The following CFAP47 variants were observed in gnomAD, a reference collection of about 807,000 sequenced individuals.
CFAP47 encodes cilia- and flagella-associated protein 47.
A neutral mutation model predicts 148.1 loss-of-function variants in CFAP47; 29 were observed. The ratio of observed to expected loss-of-function variants is 0.20; its 90% CI spans 0.15 to 0.27. CFAP47 has a LOEUF of 0.27. Ranked by LOEUF, CFAP47 falls within the 10% of genes least tolerant of loss-of-function variation. CFAP47 has a pLI of 1.00. For missense variants in CFAP47, 1,872 were observed against 1,697.5 expected (o/e 1.10, Z -1.81); for synonymous variants, 664 against 577.3 (o/e 1.15, Z -2.15).
chrX:36,226,284 C>G (rs2146899025), intron 45 of CFAP47, among the ~76,000 whole-genome samples: 1 of 111,275 alleles, frequency 9.0e-6, no homozygotes, highest in South Asian at 3.8e-4. Context: ...ACAGCATTTG[C>G]TACAGTCCAG....
intron 2 of CFAP47, among the ~76,000 whole-genome samples, chrX:35,929,811 C>G (rs1034504892): frequency 9.1e-6 from 1 of 110,438 alleles, no homozygotes; most frequent in African/African-American, 3.3e-5. Flanking sequence ...CCAGCCTGGC[C>G]AACATGGAGA....
chrX:35,968,653 C>T (rs1481343582), intron 10 of CFAP47, among the ~76,000 whole-genome samples: 1 of 110,980 alleles, frequency 9.0e-6, no homozygotes, highest in Non-Finnish European at 1.9e-5. Context: ...TCTTGCAATA[C>T]CATTTGATTT....
Position 36,291,531 on chromosome X carries a change from C to T in CFAP47, c.7686+5805C>T, listed in dbSNP as rs1345800682. Reference sequence around the variant, plus strand: ...TTTTTGGCTACTCTGTCATTATGAACTATTCATGCCTCTGCCTTCTTCCGT... The same window carrying T: ...TTTTTGGCTACTCTGTCATTATGAATTATTCATGCCTCTGCCTTCTTCCGT... On this transcript the variant is annotated intron_variant, in intron 51 of 63. Transcript: ENST00000378653. Among the ~76,000 whole-genome samples, 13 of 110,478 alleles carry T rather than the reference C, an allele frequency of 1.2e-4. No individual in the cohort carries two copies. In the Admixed American group the frequency reaches 1.3e-3, roughly 11 times the overall value.
intron 15 of CFAP47, among the ~76,000 whole-genome samples, chrX:35,988,574 A>G (rs967505414): frequency 1.4e-4 from 16 of 111,979 alleles, no homozygotes; most frequent in Non-Finnish European, 1.9e-5. Context: ...AACCTGTTCC[A>G]AGGCAAAGTT....
At chrX:35,920,609 T>C (rs1449558406) in intron 1 of CFAP47, among the ~76,000 whole-genome samples, 1 of 111,254 alleles carries the variant, frequency 9.0e-6, no homozygotes, top group South Asian at 3.7e-4. Context: ...ATCAAGAAAG[T>C]TAATGTTCTG....
At chrX:36,146,686 T>C (rs1939237277) in intron 36 of CFAP47, among the ~76,000 whole-genome samples, 1 of 111,505 alleles carries the variant, frequency 9.0e-6, no homozygotes, top group Non-Finnish European at 1.9e-5. Context: ...CGTTAAGTCA[T>C]AGAAAGTCGT....
intron 15 of CFAP47, among the ~76,000 whole-genome samples, chrX:35,985,459 T>C (rs1484483570): frequency 9.0e-6 from 1 of 110,734 alleles, no homozygotes; most frequent in Non-Finnish European, 1.9e-5. Flanking sequence ...TGTGGGTGAG[T>C]ACATGCCAGC....
chrX:36,245,985 C>G (rs782569695), intron 48 of CFAP47, among the ~76,000 whole-genome samples: 16 of 111,331 alleles, frequency 1.4e-4, no homozygotes, highest in African/African-American at 5.2e-4. Context: ...TTAGCTTGAG[C>G]ACCTTTCTCA....
intron 60 of CFAP47, among the ~76,000 whole-genome samples, chrX:36,358,974 G>T (rs969878229): frequency 8.1e-5 from 9 of 111,713 alleles, no homozygotes; most frequent in African/African-American, 2.9e-4. Flanking sequence ...AGTTATCACA[G>T]TAGTAATTTA....
intron 25 of CFAP47, among the ~76,000 whole-genome samples, chrX:36,045,477 A>G (rs914464958): frequency 1.8e-5 from 2 of 111,643 alleles, no homozygotes; most frequent in African/African-American, 3.3e-5. Flanking sequence ...AAGGCCCTCA[A>G]TGTAGTACCT....
At chrX:36,256,310 A>G (rs1940751420) in intron 49 of CFAP47, among the ~76,000 whole-genome samples, 1 of 112,048 alleles carries the variant, frequency 8.9e-6, no homozygotes, top group African/African-American at 3.2e-5. Flanking sequence ...AGTAATTCTC[A>G]ATTTTATTTT....
chrX:36,270,127 G>C (rs1024986986), intron 49 of CFAP47, among the ~76,000 whole-genome samples: 1 of 111,447 alleles, frequency 9.0e-6, no homozygotes, highest in Non-Finnish European at 1.9e-5. Context: ...GAACATTCAA[G>C]TATAAGTCTT....
chrX:36,230,151 G>T (rs1940326520), intron 46 of CFAP47, among the ~76,000 whole-genome samples: 1 of 98,844 alleles, frequency 1.0e-5, no homozygotes, highest in Non-Finnish European at 2.0e-5. Context: ...GGGTCAAATG[G>T]TATTTCTAGT....
chrX:35,984,195 T>TA (rs1251671194), intron 15 of CFAP47, among the ~76,000 whole-genome samples: 1 of 111,674 alleles, frequency 9.0e-6, no homozygotes, highest in African/African-American at 3.3e-5. Flanking sequence ...AATGGGATGT[T>TA]GTATGTTTCC....
chrX:36,031,790 A>C (rs1937282297), intron 23 of CFAP47, among the ~76,000 whole-genome samples: 1 of 103,915 alleles, frequency 9.6e-6, no homozygotes, highest in Admixed American at 1.0e-4. Flanking sequence ...TTTTTTCTTA[A>C]AGGATATCTC....
In CFAP47 at chrX:35,935,830, A is replaced by G. The variant is rs765238577; in HGVS notation, c.402-5453A>G. On this transcript the variant is annotated intron_variant, in intron 2 of 63. Coordinates refer to ENST00000378653, the MANE Select transcript of CFAP47 (RefSeq NM_001304548.2). The stretch of plus-strand genomic sequence containing the variant: ...TTCAGTACTAGAAAAATATTGTGAC[A>G]CTTCCTTCCGGACTCCATGGAGTCA... 1.4e-3 allele frequency among the ~76,000 whole-genome samples: 159 copies of G among 111,062 alleles called. 1 individual carries two copies. Among genetic ancestry groups the G allele is most frequent in the Non-Finnish European group, 2.8e-3 (147 of 52,984 alleles).
At position 36,015,527 on chromosome X, in the gene CFAP47, G is replaced by A. The variant is rs761921555; in HGVS notation, c.3556+615G>A. The stretch of plus-strand genomic sequence containing the variant: ...TATAGTTCTGATATTAAGTTAAATC[G>A]TCATTAATTCTAAAATAGTAGGGAG... On this transcript the variant is annotated intron_variant, in intron 22 of 63. Transcript: ENST00000378653. 6.3e-5 allele frequency among the ~76,000 whole-genome samples: 7 copies of A among 111,143 alleles called. No homozygotes were observed. The East Asian group carries it at 2.0e-3, about 31-fold the overall frequency.
intron 26 of CFAP47, among the ~76,000 whole-genome samples, chrX:36,051,444 C>G (rs1417365514): frequency 3.6e-5 from 4 of 111,814 alleles, no homozygotes; most frequent in African/African-American, 6.5e-5. Context: ...GACATGGAGT[C>G]AAAGGAGATC....
chrX:36,062,139 C>A (rs1014465845), intron 26 of CFAP47, among the ~76,000 whole-genome samples: 5 of 111,269 alleles, frequency 4.5e-5, no homozygotes, highest in African/African-American at 1.6e-4. Flanking sequence ...GAATTAAAAT[C>A]ATGCTAAGTA....
Sources: gnomAD v4.1 joint callset for allele counts (sites outside exome capture counted in the v4.1 genomes callset) on GRCh38, gnomAD v4.1.1 for gene constraint, MANE v1.5 for transcripts, NCBI Gene and HGNC (gene_info 2026-07-23, HGNC 2026-07-21) for gene names.